The following AK4 variants were observed in gnomAD, a reference collection of about 807,000 sequenced individuals.
AK4 encodes adenylate kinase 4.
A neutral mutation model predicts 24.6 loss-of-function variants in AK4; 13 were observed. The ratio of observed to expected loss-of-function variants is 0.53; its 90% CI spans 0.34 to 0.84. The LOEUF (loss-of-function observed/expected upper bound fraction) is 0.84. Among genes scored for constraint, AK4 ranks in the 40% least tolerant of loss-of-function variants. AK4 has a pLI of 0.01. For synonymous variants in AK4, 88 were observed against 107.0 expected (o/e 0.82, Z 1.10); for missense variants, 192 against 288.2 (o/e 0.67, Z 2.42).
intron 1 of AK4, among the ~76,000 whole-genome samples, chr1:65,163,871 G>A (rs1261243723): frequency 6.6e-6 from 1 of 152,092 alleles, no homozygotes; most frequent in African/African-American, 2.4e-5. Context: ...ATAGGGGGTG[G>A]AAGTGAGGTT....
intron 1 of AK4, among the ~76,000 whole-genome samples, chr1:65,181,383 A>G (rs1167415969): frequency 1.5e-4 from 22 of 150,454 alleles, no homozygotes; most frequent in Admixed American, 1.5e-3. Context: ...GCAGGCTCCT[A>G]AGCTGTAGAA....
In AK4 at chr1:65,215,174, T is replaced by TGC. The variant is rs765590949; in HGVS notation, c.266-3580_266-3579insGC. Among the ~76,000 whole-genome samples the TGC allele has an allele frequency of 4.6e-5, 6 of 131,566 alleles. No homozygotes were observed. In the East Asian group the frequency reaches 1.3e-3, roughly 29 times the overall value. The allele number at this position is 131,566 out of a possible 152,430, so 86.3% of individuals were successfully genotyped here. A position where few individuals can be genotyped will look rare whatever the true frequency, so the allele number is the denominator to read the frequency against. On this transcript the variant is annotated intron_variant, in intron 2 of 4. Coordinates refer to ENST00000327299, the MANE Select transcript of AK4 (RefSeq NM_013410.4). ...CTTTTCTTTTCTTTTCTTTCTTTCT[T>TGC]TCTTTTTTTTTTGTTTGAGGCGGAG...
chr1:65,216,350 C>G (rs1355505008), intron 2 of AK4, among the ~76,000 whole-genome samples: 1 of 152,124 alleles, frequency 6.6e-6, no homozygotes, highest in Non-Finnish European at 1.5e-5. Context: ...TCTCGAACTC[C>G]TAGCCTCAAG....
Position 65,224,788 on chromosome 1 carries a change from C to T in AK4, c.475C>T (p.Gln159Ter). The T allele has an allele frequency of 6.2e-7, 1 of 1,613,556 alleles. No individual in the cohort carries two copies. Among genetic ancestry groups the T allele is most frequent in the Non-Finnish European group, 8.5e-7 (1 of 1,179,916 alleles). ...CGTCACTGGTGAACCGTTAGTCCAGCAGGAGGATGATAAACCCGAAGCAGT... is the reference window on the plus strand; with the variant it reads ...CGTCACTGGTGAACCGTTAGTCCAGTAGGAGGATGATAAACCCGAAGCAGT... ...DDVTGEPLVQ[Q>*]EDDKPEAVAA... Residue 159 changes from glutamine (Q) to a stop codon, truncating the protein, a stop_gained, in exon 4 of 5, where the codon CAG becomes TAG. Transcript: ENST00000327299. LOFTEE classifies it high-confidence loss of function.
intron 3 of AK4, among the ~76,000 whole-genome samples, chr1:65,223,409 A>G (rs1379572694): frequency 2.0e-5 from 3 of 151,702 alleles, no homozygotes; most frequent in African/African-American, 7.3e-5. Flanking sequence ...GGCTGGTCTC[A>G]AACTCCTGAC....
At chr1:65,147,594 T>C (rs1354084932), upstream of AK4, 1 of 151,484 alleles carries the variant, frequency 6.6e-6, no homozygotes, top group Non-Finnish European at 1.5e-5. Flanking sequence ...GCTCCGCGAC[T>C]GGGCGGGCGG....
intron 1 of AK4, among the ~76,000 whole-genome samples, chr1:65,182,207 T>C (rs545197315): frequency 1.3e-5 from 2 of 152,298 alleles, no homozygotes; most frequent in East Asian, 3.9e-4. Context: ...TGGTGTGAGC[T>C]ACAACACTCA....
chr1:65,180,929 T>A (rs1480892002), intron 1 of AK4, among the ~76,000 whole-genome samples: 1 of 152,140 alleles, frequency 6.6e-6, no homozygotes. Flanking sequence ...TACTTCAGGG[T>A]AGAGTGGTCT....
chr1:65,166,715 C>G (rs1201933193), intron 1 of AK4, among the ~76,000 whole-genome samples: 2 of 152,188 alleles, frequency 1.3e-5, no homozygotes, highest in Non-Finnish European at 2.9e-5. Flanking sequence ...AGACGGGGGT[C>G]TCACTATGTT....
chr1:65,165,523 C>T (rs767620731), intron 1 of AK4, among the ~76,000 whole-genome samples: 11 of 149,556 alleles, frequency 7.4e-5, no homozygotes, highest in Admixed American at 1.3e-4. Flanking sequence ...ATAGCCACTG[C>T]GTTCCAGTCT....
At chr1:65,223,949 A>G (rs1036381370) in intron 3 of AK4, among the ~76,000 whole-genome samples, 2 of 152,080 alleles carry the variant, frequency 1.3e-5, no homozygotes, top group East Asian at 3.9e-4. Context: ...GCCGAGATCG[A>G]GCCATTGCAC....
rs184156980 is a variant in AK4 at position 65,203,785 on chromosome 1, A to T, written c.265+12956A>T. On this transcript the variant is annotated intron_variant, in intron 2 of 4. Coordinates refer to ENST00000327299, the MANE Select transcript of AK4 (RefSeq NM_013410.4). The stretch of plus-strand genomic sequence containing the variant: ...GTGCCATTGCACTCCAGCCTGGGCA[A>T]TGAGAGTGAAATTCCATCTCAAAGA... Among the ~76,000 whole-genome samples, 17 of 152,192 alleles carry T rather than the reference A, an allele frequency of 1.1e-4. No individual in the cohort carries two copies. The East Asian group carries it at 3.1e-3, about 28-fold the overall frequency.
intron 1 of AK4, among the ~76,000 whole-genome samples, chr1:65,182,836 T>C (rs1650955218): frequency 6.6e-6 from 1 of 152,218 alleles, no homozygotes; most frequent in Admixed American, 6.5e-5. Flanking sequence ...TTGTGACCTA[T>C]AGCCTATTCC....
chr1:65,155,962 CCACA>C (rs141025369), intron 1 of AK4, among the ~76,000 whole-genome samples: 1 of 151,580 alleles, frequency 6.6e-6, no homozygotes, highest in African/African-American at 2.4e-5. Flanking sequence ...GAGCCACCTT[CCACA>C]CACACACACA....
chr1:65,183,162 C>G (rs889516789), intron 1 of AK4, among the ~76,000 whole-genome samples: 2 of 152,124 alleles, frequency 1.3e-5, no homozygotes, highest in African/African-American at 2.4e-5. Context: ...TCAGAGGGAA[C>G]AGTGTACCTT....
At chr1:65,155,743 C>T (rs576374207) in intron 1 of AK4, among the ~76,000 whole-genome samples, 73 of 151,678 alleles carry the variant, frequency 4.8e-4, no homozygotes, top group East Asian at 3.7e-3. Flanking sequence ...GCTCTTGGCT[C>T]GCTGCAACCT....
intron 2 of AK4, among the ~76,000 whole-genome samples, chr1:65,211,928 AG>A (rs1171938158): frequency 2.0e-5 from 3 of 152,220 alleles, no homozygotes; most frequent in African/African-American, 7.2e-5. Flanking sequence ...CAGGACAGTT[AG>A]AAAAGTCTTA....
chr1:65,162,645 A>G (rs1650204637), intron 1 of AK4, among the ~76,000 whole-genome samples: 1 of 152,074 alleles, frequency 6.6e-6, no homozygotes, highest in African/African-American at 2.4e-5. Flanking sequence ...TATTGAGACC[A>G]TCCCGGCTAA....
At position 65,228,678 on chromosome 1, in the gene AK4, G is replaced by C. The variant is rs1194115865; in HGVS notation, c.*2501G>C. ...TAAAAATTAAAGTAATCTTGAAAAT[G>C]TTTTGACAAAAGTAAAATTAAAGGG... On this transcript the variant is annotated 3_prime_UTR_variant, in exon 5 of 5. Coordinates refer to ENST00000327299, the MANE Select transcript of AK4 (RefSeq NM_013410.4). 6.6e-6 allele frequency: 1 copy of C among 150,480 alleles called. No individual in the cohort carries two copies. Among genetic ancestry groups the C allele is most frequent in the Non-Finnish European group, 1.5e-5 (1 of 67,768 alleles). The allele number at this position is 150,480 out of a possible 1,614,324, so 9.3% of individuals were successfully genotyped here.
Sources: allele counts gnomAD v4.1 joint callset (sites outside exome capture counted in the v4.1 genomes callset), GRCh38; gene constraint gnomAD v4.1.1; transcripts MANE v1.5; gene names NCBI Gene and HGNC (gene_info 2026-07-23, HGNC 2026-07-21).